Variants in DAPK3 observed in about 807,000 individuals in gnomAD.
The protein encoded by DAPK3 is death-associated protein kinase 3.
In DAPK3, 24 loss-of-function variants were observed where a neutral mutation model predicts 30.6. That is an observed-to-expected ratio of 0.78 (90% CI 0.57 to 1.10). The LOEUF is 1.10. Ranked by LOEUF, DAPK3 falls within the 50% of genes least tolerant of loss-of-function variation. DAPK3 has a pLI of 0.00. For missense variants in DAPK3, 629 were observed against 657.3 expected (o/e 0.96, Z 0.47); for synonymous variants, 341 against 284.0 (o/e 1.20, Z -2.02).
chr19:3,963,951 G>C, intron 4 of DAPK3, 32 bp from the exon 5 acceptor site: 1 of 1,466,014 alleles, frequency 6.8e-7, no homozygotes, highest in Non-Finnish European at 9.5e-7. Context: ...GTCAGGCACT[G>C]GGGACATGCT....
intron 7 of DAPK3, 139 bp downstream of exon 7, chr19:3,960,870 C>G: frequency 4.0e-6 from 3 of 747,508 alleles, no homozygotes; most frequent in South Asian, 3.4e-5. Context: ...AGTTTACTCT[C>G]TCCAGCCCAA....
At position 3,961,144 on chromosome 19, in the gene DAPK3, G is replaced by A. The variant is rs1254949642; in HGVS notation, c.647C>T (p.Pro216Leu). ...CTCCTGCTTGGTCTCGCCCAGGAAC[G>A]GGGATGCACCGCTCAGGCTGCGAGA... ...ITYILLSGAS[P>L]FLGETKQETL... Residue 216 changes from proline (P) to leucine (L), a missense_variant, in exon 7 of 9, where the codon CCG becomes CTG. Coordinates refer to ENST00000545797, the MANE Select transcript of DAPK3 (RefSeq NM_001348.3). 1.2e-6 allele frequency: 2 copies of A among 1,612,850 alleles called. No individual in the cohort carries two copies. The highest frequency in any genetic ancestry group is 1.1e-5 in the South Asian group (1 of 91,058).
intron 6 of DAPK3, 109 bp from the exon 7 acceptor site, chr19:3,961,270 G>A (rs965305886): frequency 3.2e-5 from 28 of 883,562 alleles, no homozygotes; most frequent in Non-Finnish European, 4.4e-5. Context: ...CTGACGGCAG[G>A]TGCCTGGGCC....
intron 6 of DAPK3, among the ~76,000 whole-genome samples, chr19:3,962,407 C>A (rs1404582185): frequency 6.6e-6 from 1 of 152,216 alleles, no homozygotes; most frequent in African/African-American, 2.4e-5. Context: ...TGTTTATTTC[C>A]TTGCTTACTG....
intron 6 of DAPK3, chr19:3,961,574 C>T (rs759772476): frequency 9.7e-5 from 46 of 473,376 alleles, no homozygotes; most frequent in Admixed American, 2.1e-4. Context: ...CCCAGCCTGA[C>T]GCTGGGAGGG....
At chr19:3,960,848 C>T (rs1267163434) in intron 7 of DAPK3, among the ~76,000 whole-genome samples, 161 bp downstream of exon 7, 1 of 150,832 alleles carries the variant, frequency 6.6e-6, no homozygotes, top group Non-Finnish European at 1.5e-5. Context: ...CAGCTTGGGC[C>T]ACCAGTTTAT....
chr19:3,963,570 CAT>C (rs999023499), intron 6 of DAPK3, 71 bp downstream of exon 6: 17 of 979,122 alleles, frequency 1.7e-5, no homozygotes, highest in East Asian at 8.2e-5. Flanking sequence ...CTGGCGTCCA[CAT>C]GAGACACACG....
intron 8 of DAPK3, 45 bp downstream of exon 8, chr19:3,960,014 G>C (rs767757851): frequency 9.1e-7 from 1 of 1,096,588 alleles, no homozygotes; most frequent in Non-Finnish European, 1.4e-6. Flanking sequence ...CCAGCGAGAA[G>C]GCCAAGGCGG....
rs375900044 is a variant in DAPK3, at chr19:3,960,963, C to T, written c.782+46G>A. 33 of 1,599,096 alleles carry T rather than the reference C, an allele frequency of 2.1e-5. No homozygotes were observed. In the Middle Eastern group the frequency reaches 7.3e-4, roughly 35 times the overall value. ...CTGGAGCCTCCGTGGGTGGAGTGGG[C>T]CTGTGTCCCATGTCCCACCCCGTGC... On this transcript the variant is annotated intron_variant, in intron 7 of 8. Transcript: ENST00000545797.
intron 2 of DAPK3, 72 bp from the exon 3 acceptor site, chr19:3,965,063 T>C: frequency 2.5e-6 from 2 of 786,168 alleles, no homozygotes; most frequent in South Asian, 1.5e-5. Flanking sequence ...TGGCTCCCCG[T>C]CACCTCCACT....
rs931266500 is a variant in DAPK3, at chr19:3,971,084, G to A, written c.-258C>T. 6.5e-6 allele frequency: 1 copy of A among 154,024 alleles called. No homozygotes were observed. Among genetic ancestry groups the A allele is most frequent in the South Asian group, 1.8e-4 (1 of 5,612 alleles). The allele number at this position is 154,024 out of a possible 1,614,324, so 9.5% of individuals were successfully genotyped here. A position where few individuals can be genotyped will look rare whatever the true frequency, so the allele number is the denominator to read the frequency against. ...CTGGCCACCGCCGCCGCCTCCAGAA[G>A]CCCCGCGCCCCTGCCGCCGCGACGC... On this transcript the variant is annotated 5_prime_UTR_variant, in exon 1 of 9. Transcript: ENST00000545797.
In DAPK3 at chr19:3,959,642, G is replaced by A. The variant is rs756264518; in HGVS notation, c.829-5C>T. ...CACGTTCCGCCGCCGGATCGCCTAG[G>A]AAGGAGGGAAGCCTGAGCGGGGTCC... is the stretch of plus-strand genomic sequence containing the variant. On this transcript the variant is annotated splice_region_variant and splice_polypyrimidine_tract_variant and intron_variant, in intron 8 of 8. Coordinates refer to ENST00000545797, the MANE Select transcript of DAPK3 (RefSeq NM_001348.3). 45 of 1,571,486 alleles carry A rather than the reference G, an allele frequency of 2.9e-5. No homozygotes were observed. The highest frequency in any genetic ancestry group is 3.4e-5 in the Non-Finnish European group (40 of 1,164,768).
At chr19:3,960,412 C>T (rs947745317) in intron 7 of DAPK3, among the ~76,000 whole-genome samples, 5 of 152,126 alleles carry the variant, frequency 3.3e-5, no homozygotes, top group Admixed American at 6.6e-5. Flanking sequence ...TACAGGAAAA[C>T]AAGTGACCTG....
At position 3,958,492 on chromosome 19, in the gene DAPK3, G is replaced by A. The variant is rs775134342; in HGVS notation, c.*609C>T. The A allele has an allele frequency of 3.7e-5, 17 of 456,450 alleles. 1 individual carries two copies. Among genetic ancestry groups the A allele is most frequent in the South Asian group, 2.5e-4 (16 of 64,580 alleles). The allele number at this position is 456,450 out of a possible 1,614,324, so 28.3% of individuals were successfully genotyped here. A position where few individuals can be genotyped will look rare whatever the true frequency, so the allele number is the denominator to read the frequency against. ...TATTTTATTTCTCTTGGCTGCAGAG[G>A]GCCGCTCTTGCCTAGGCGTCCACAG... On this transcript the variant is annotated 3_prime_UTR_variant, in exon 9 of 9. Transcript: ENST00000545797.
intron 2 of DAPK3, among the ~76,000 whole-genome samples, chr19:3,966,914 T>C (rs2039583369): frequency 6.6e-6 from 1 of 152,136 alleles, no homozygotes; most frequent in African/African-American, 2.4e-5. Context: ...CTCTACGGAA[T>C]GTGAAACGTG....
chr19:3,964,184 C>G (rs2039549096), intron 4 of DAPK3, 60 bp downstream of exon 4: 2 of 1,464,386 alleles, frequency 1.4e-6, no homozygotes, highest in South Asian at 1.3e-5. Context: ...ACCCCACGCA[C>G]AGCAGGCAGC....
At position 3,959,495 on chromosome 19, in the gene DAPK3, C is replaced by CGCTT; in HGVS notation, c.970_971insAAGC (p.Arg324GlnfsTer254). On this transcript the variant is annotated frameshift_variant, in exon 9 of 9. Coordinates refer to ENST00000545797, the MANE Select transcript of DAPK3 (RefSeq NM_001348.3). LOFTEE classifies it low-confidence loss of function (END_TRUNC). ...CGCCTCCTCCAGCACCTTGGAGAAGCGCTCGAAGTCGGCGTAGCTGTTGTT... is the reference window on the plus strand; with the variant it reads ...CGCCTCCTCCAGCACCTTGGAGAAGCGCTTGCTCGAAGTCGGCGTAGCTGTTGTT... 1 of 1,556,098 alleles carries CGCTT rather than the reference C, an allele frequency of 6.4e-7. No homozygotes were observed.
intron 1 of DAPK3, chr19:3,970,083 T>C (rs1316438311): frequency 3.1e-6 from 1 of 323,552 alleles, no homozygotes; most frequent in Non-Finnish European, 5.7e-6. Context: ...TCCAGACACA[T>C]AATTCTGATT....
In DAPK3 at chr19:3,964,310, C is replaced by T. The variant is rs1289429252; in HGVS notation, c.487G>A (p.Gly163Ser). Residue 163 changes from glycine (G) to serine (S), a missense_variant, in exon 4 of 9, where the codon GGC becomes AGC. By Grantham distance (56) the Gly-to-Ser change is moderately conservative. Coordinates refer to ENST00000545797, the MANE Select transcript of DAPK3 (RefSeq NM_001348.3). Reference protein sequence around the residue: ...PNPRIKLIDFGIAHKIEAGNE... With the variant: ...PNPRIKLIDFSIAHKIEAGNE... Reference sequence around the variant, plus strand: ...CCCGCCTCGATCTTGTGCGCGATGCCGAAGTCGATGAGCTTGATTCGTGGG... The same window carrying T: ...CCCGCCTCGATCTTGTGCGCGATGCTGAAGTCGATGAGCTTGATTCGTGGG... 2 of 1,613,504 alleles carry T rather than the reference C, an allele frequency of 1.2e-6. No individual in the cohort carries two copies. The highest frequency in any genetic ancestry group is 1.7e-6 in the Non-Finnish European group (2 of 1,179,452).
Sources: allele counts gnomAD v4.1 joint callset (sites outside exome capture counted in the v4.1 genomes callset), GRCh38; gene constraint gnomAD v4.1.1; transcripts MANE v1.5; gene names NCBI Gene and HGNC (gene_info 2026-07-23, HGNC 2026-07-21).